Variants in PCBP4 observed in about 807,000 individuals in gnomAD.
PCBP4 encodes the protein poly(rC) binding protein 4.
PCBP4 carries 24 observed loss-of-function variants against 46.2 expected under a neutral mutation model. The ratio of observed to expected loss-of-function variants is 0.52; its 90% CI spans 0.38 to 0.73. PCBP4 has a LOEUF of 0.73. Ranked by LOEUF, PCBP4 falls within the 30% of genes least tolerant of loss-of-function variation. The pLI, the probability that PCBP4 is intolerant of heterozygous loss-of-function variation, is 0.00. For synonymous variants in PCBP4, 203 were observed against 224.4 expected (o/e 0.90, Z 0.85); for missense variants, 407 against 537.0 (o/e 0.76, Z 2.39).
chr3:51,959,803 C>A lies in PCBP4; in HGVS notation c.516+92G>T. Reference sequence around the variant, plus strand: ...CCATCCCTGCAGCCCTGCCCTGCCCCACCTGCAGCACAGGCATAGGGTTTG... The same window carrying A: ...CCATCCCTGCAGCCCTGCCCTGCCCAACCTGCAGCACAGGCATAGGGTTTG... On this transcript the variant is annotated intron_variant, in intron 8 of 13. Transcript: ENST00000461554. This position sits in a 1 kb window ranked among gnomAD's most constrained non-coding sequence, Gnocchi z 5.6. 6.6e-7 allele frequency: 1 copy of A among 1,525,670 alleles called. No individual in the cohort carries two copies. Among genetic ancestry groups the A allele is most frequent in the Non-Finnish European group, 8.9e-7 (1 of 1,128,374 alleles). The allele number at this position is 1,525,670 out of a possible 1,614,324, so 94.5% of individuals were successfully genotyped here.
Position 51,959,991 on chromosome 3 carries a change from G to T in PCBP4, c.420C>A (p.Asp140Glu), listed in dbSNP as rs751809455. ...CTCGCTCTGTGGAGTTGGGGAGCAG[G>T]TCCCCTGCCACCTGTACCTGGGCAC... ...TTGAQVQVAG[D>E]LLPNSTERAV... Residue 140 changes from aspartate (D) to glutamate (E), a missense_variant, in exon 8 of 14, where the codon GAC (aspartate) becomes GAA (glutamate). Physicochemically the swap from Asp to Glu is conservative, Grantham distance 45 (BLOSUM62 2). Transcript: ENST00000461554. This position sits in a 1 kb window ranked among gnomAD's most constrained non-coding sequence, Gnocchi z 5.6. The T allele has an allele frequency of 6.2e-7, 1 of 1,614,196 alleles. No homozygotes were observed. The highest frequency in any genetic ancestry group is 8.5e-7 in the Non-Finnish European group (1 of 1,180,026).
chr3:51,960,695 C>A lies in PCBP4; in HGVS notation c.139-53G>T, dbSNP rs746008167. 1.4e-5 allele frequency: 22 copies of A among 1,528,092 alleles called. No individual in the cohort carries two copies. The highest frequency in any genetic ancestry group is 2.2e-5 in the East Asian group (1 of 44,472). The allele number at this position is 1,528,092 out of a possible 1,614,324, so 94.7% of individuals were successfully genotyped here. A position where few individuals can be genotyped will look rare whatever the true frequency, so the allele number is the denominator to read the frequency against. ...GCGGGGCATCTTCCCTGCTCCCTTGCCGGAACTTGTCTGCCTGCCCCACTC... is the reference window on the plus strand; with the variant it reads ...GCGGGGCATCTTCCCTGCTCCCTTGACGGAACTTGTCTGCCTGCCCCACTC... On this transcript the variant is annotated intron_variant, in intron 5 of 13. Coordinates refer to ENST00000461554, the MANE Select transcript of PCBP4 (RefSeq NM_001174100.2). The surrounding 1 kb of genome is among the most constrained non-coding windows in gnomAD (Gnocchi z 5.0).
intron 2 of PCBP4, chr3:51,961,651 C>T (rs984080041): frequency 1.9e-6 from 1 of 532,360 alleles, no homozygotes; most frequent in African/African-American, 2.0e-5. Flanking sequence ...AACTAGGAAG[C>T]CTATGGGAGT....
In PCBP4 at chr3:51,957,818, A is replaced by T. The variant is rs1457220382; in HGVS notation, c.*243T>A. 2 of 369,168 alleles carry T rather than the reference A, an allele frequency of 5.4e-6. No homozygotes were observed. The highest frequency in any genetic ancestry group is 9.8e-6 in the Non-Finnish European group (2 of 204,538). 22.9% of individuals were successfully genotyped at this position (369,168 alleles called of 1,614,324 possible). A position where few individuals can be genotyped will look rare whatever the true frequency, so the allele number is the denominator to read the frequency against. ...TCCTGGCTGCTCCCTGTATCCAAGC[A>T]CAGAGCTGAGGAGGTAGGGCCCCCT... On this transcript the variant is annotated 3_prime_UTR_variant, in exon 14 of 14. Coordinates refer to ENST00000461554, the MANE Select transcript of PCBP4 (RefSeq NM_001174100.2).
chr3:51,959,206 C>A lies in PCBP4; in HGVS notation c.700+23G>T. ...TGCCCTCTTAGGACCCTCCCCCTGCCTCCTTGTGCAGGGGTGGCTTACCTG... is the reference window on the plus strand; with the variant it reads ...TGCCCTCTTAGGACCCTCCCCCTGCATCCTTGTGCAGGGGTGGCTTACCTG... On this transcript the variant is annotated intron_variant, in intron 11 of 13. Coordinates refer to ENST00000461554, the MANE Select transcript of PCBP4 (RefSeq NM_001174100.2). This position sits in a 1 kb window ranked among gnomAD's most constrained non-coding sequence, Gnocchi z 5.6. 1 of 1,613,320 alleles carries A rather than the reference C, an allele frequency of 6.2e-7. No individual in the cohort carries two copies. The highest frequency in any genetic ancestry group is 2.2e-5 in the East Asian group (1 of 44,866).
intron 1 of PCBP4, among the ~76,000 whole-genome samples, chr3:51,966,981 A>C (rs1029671892): frequency 6.6e-4 from 100 of 152,216 alleles, no homozygotes; most frequent in African/African-American, 2.3e-3. Flanking sequence ...GTGCCCAGCC[A>C]GGAGCTACAG....
At position 51,960,135 on chromosome 3, in the gene PCBP4, TA is replaced by T; in HGVS notation, c.387+53del. On this transcript the variant is annotated intron_variant, in intron 7 of 13. Coordinates refer to ENST00000461554, the MANE Select transcript of PCBP4 (RefSeq NM_001174100.2). The surrounding 1 kb of genome is among the most constrained non-coding windows in gnomAD (Gnocchi z 5.0). The stretch of plus-strand genomic sequence containing the variant: ...GACGCCATAAGCCCAACACCCCTCT[TA>T]CAACTGCTCCCTTGCCCCGGATTCC... 1 of 1,614,090 alleles carries T rather than the reference TA, an allele frequency of 6.2e-7. No homozygotes were observed. Among genetic ancestry groups the T allele is most frequent in the East Asian group, 2.2e-5 (1 of 44,884 alleles).
At position 51,959,171 on chromosome 3, in the gene PCBP4, G is replaced by A; in HGVS notation, c.700+58C>T. 1.2e-6 allele frequency: 2 copies of A among 1,613,174 alleles called. No homozygotes were observed. The highest frequency in any genetic ancestry group is 1.7e-6 in the Non-Finnish European group (2 of 1,179,224). On this transcript the variant is annotated intron_variant, in intron 11 of 13. Transcript: ENST00000461554. This position sits in a 1 kb window ranked among gnomAD's most constrained non-coding sequence, Gnocchi z 5.6. Reference sequence around the variant, plus strand: ...CCCACCATTTCCACTCTCCCTGGAAGGGAGGGGGCTGCCCTCTTAGGACCC... The same window carrying A: ...CCCACCATTTCCACTCTCCCTGGAAAGGAGGGGGCTGCCCTCTTAGGACCC...
chr3:51,958,157 G>A lies in PCBP4; in HGVS notation c.1116C>T (p.Ser372=), dbSNP rs200597296. The A allele has an allele frequency of 1.8e-5, 29 of 1,613,334 alleles. No homozygotes were observed. The highest frequency in any genetic ancestry group is 1.1e-5 in the Non-Finnish European group (13 of 1,179,642). ...CCGCCAAGCCCGGCGGCGGCCCTGG[G>A]GAAGCAGGTGGTAAAGCCAAGAAGG... ...PMPFLALPPA[S]PGPPPGLAAY... is the part of the protein sequence containing the mutation. The change falls in exon 14 of 14, where the codon TCC becomes TCT. Residue 372 remains serine (S), a synonymous_variant. Transcript: ENST00000461554. This position sits in a 1 kb window ranked among gnomAD's most constrained non-coding sequence, Gnocchi z 5.4.
intron 1 of PCBP4, among the ~76,000 whole-genome samples, chr3:51,966,887 C>G (rs779638301): frequency 6.6e-6 from 1 of 151,742 alleles, no homozygotes; most frequent in Non-Finnish European, 1.5e-5. Flanking sequence ...CCACTCTGAG[C>G]CCCCAGCTGT....
At chr3:51,961,598 T>C (rs1007742880) in intron 2 of PCBP4, 7 of 324,844 alleles carry the variant, frequency 2.2e-5, no homozygotes, top group African/African-American at 4.2e-5. Flanking sequence ...ACATGGTAGG[T>C]ACCTAGCCTT....
chr3:51,967,216 A>T (rs1277568334), intron 1 of PCBP4, 110 bp downstream of exon 1: 1 of 152,078 alleles, frequency 6.6e-6, no homozygotes, highest in Non-Finnish European at 1.5e-5. Context: ...TGTTCCTCGC[A>T]GTCTCACAAA....
chr3:51,959,883 C>G lies in PCBP4; in HGVS notation c.516+12G>C. The G allele has an allele frequency of 6.3e-7, 1 of 1,575,578 alleles. No individual in the cohort carries two copies. Among genetic ancestry groups the G allele is most frequent in the East Asian group, 2.2e-5 (1 of 44,598 alleles). On this transcript the variant is annotated intron_variant, in intron 8 of 13. Transcript: ENST00000461554. This position sits in a 1 kb window ranked among gnomAD's most constrained non-coding sequence, Gnocchi z 5.6. ...ATCTCCTGCCCCCTCTCTCCCTGCC[C>G]CAGGGCAGCACCTCCAGGATAACAG...
intron 1 of PCBP4, among the ~76,000 whole-genome samples, chr3:51,964,205 G>T (rs1457175722): frequency 1.3e-5 from 2 of 152,180 alleles, no homozygotes. Flanking sequence ...GAGGCGGGGG[G>T]GTGACAGCTG....
At chr3:51,966,953 G>A (rs571665134) in intron 1 of PCBP4, among the ~76,000 whole-genome samples, 1 of 152,294 alleles carries the variant, frequency 6.6e-6, no homozygotes, top group South Asian at 2.1e-4. Context: ...AACGACTGCG[G>A]AGGATGGGAA....
chr3:51,959,503 T>C lies in PCBP4; in HGVS notation c.591+74A>G, dbSNP rs561661381. On this transcript the variant is annotated intron_variant, in intron 9 of 13. Coordinates refer to ENST00000461554, the MANE Select transcript of PCBP4 (RefSeq NM_001174100.2). The surrounding 1 kb of genome is among the most constrained non-coding windows in gnomAD (Gnocchi z 5.6). ...CCCCCGTCCCTGGACCTCCAATTCCTTCTTCCATCCCCTCCTCTATCTCAA... is the reference window on the plus strand; with the variant it reads ...CCCCCGTCCCTGGACCTCCAATTCCCTCTTCCATCCCCTCCTCTATCTCAA... 5.9e-6 allele frequency: 9 copies of C among 1,525,812 alleles called. No homozygotes were observed. Among genetic ancestry groups the C allele is most frequent in the Non-Finnish European group, 7.1e-6 (8 of 1,125,904 alleles). 94.5% of individuals were successfully genotyped at this position (1,525,812 alleles called of 1,614,324 possible).
chr3:51,966,344 G>C (rs539732196), intron 1 of PCBP4, among the ~76,000 whole-genome samples: 1 of 152,206 alleles, frequency 6.6e-6, no homozygotes, highest in Non-Finnish European at 1.5e-5. Context: ...AAGGCTAGGG[G>C]GTGGGGGCTG....
At chr3:51,965,951 A>C (rs1700400677) in intron 1 of PCBP4, among the ~76,000 whole-genome samples, 1 of 152,084 alleles carries the variant, frequency 6.6e-6, no homozygotes, top group African/African-American at 2.4e-5. Flanking sequence ...CACAGAGTCG[A>C]GTTGGGCTCA....
intron 1 of PCBP4, chr3:51,962,727 G>A (rs1387527654): frequency 6.6e-6 from 1 of 152,256 alleles, no homozygotes; most frequent in Non-Finnish European, 1.5e-5. Flanking sequence ...CTTGAGCACG[G>A]AAGGTGAAAG....
Sources: gnomAD v4.1 joint callset for allele counts (sites outside exome capture counted in the v4.1 genomes callset) on GRCh38, gnomAD v4.1.1 for gene constraint, Gnocchi (gnomAD v3.1) non-coding constraint, MANE v1.5 for transcripts, NCBI Gene and HGNC (gene_info 2026-07-23, HGNC 2026-07-21) for gene names.